Variants in SIGLEC1 observed in about 807,000 individuals in gnomAD.
The protein encoded by SIGLEC1 is sialoadhesin.
A neutral mutation model predicts 148.0 loss-of-function variants in SIGLEC1; 132 were observed. The observed-to-expected ratio is 0.89, with a 90% CI of 0.77 to 1.03. SIGLEC1 has a LOEUF of 1.03. Ranked by LOEUF, SIGLEC1 falls within the 50% of genes least tolerant of loss-of-function variation. The pLI is 0.00. For synonymous variants in SIGLEC1, 945 were observed against 969.0 expected (o/e 0.98, Z 0.46); for missense variants, 2,253 against 2,271.4 (o/e 0.99, Z 0.16).
chr20:3,696,402 GTTA>G (rs1341931622), intron 11 of SIGLEC1, among the ~76,000 whole-genome samples, 181 bp downstream of exon 11: 1 of 152,014 alleles, frequency 6.6e-6, no homozygotes, highest in Non-Finnish European at 1.5e-5. Context: ...GGCTGCTGCA[GTTA>G]TTACAGGTGA....
Position 3,692,937 on chromosome 20 carries a change from C to A in SIGLEC1, c.3703G>T (p.Asp1235Tyr), listed in dbSNP as rs1207970591. 6 of 1,612,636 alleles carry A rather than the reference C, an allele frequency of 3.7e-6. No homozygotes were observed. The Admixed American group carries it at 6.7e-5, about 18-fold the overall frequency. The part of the protein sequence containing the change: ...RLELRGPQPR[D>Y]EGFYSCSARS... The stretch of plus-strand genomic sequence containing the variant: ...GCAGAGCAGCTGTAGAAACCCTCAT[C>A]CCTGGGCTGTGGCCCTCGCAGCTCC... Residue 1235 changes from aspartate to tyrosine, a missense_variant, in exon 15 of 22, where the codon GAT becomes TAT. Transcript: ENST00000344754.
At position 3,697,969 on chromosome 20, in the gene SIGLEC1, C is replaced by G; in HGVS notation, c.1951G>C (p.Gly651Arg). 6.2e-7 allele frequency: 1 copy of G among 1,611,900 alleles called. No individual in the cohort carries two copies. The highest frequency in any genetic ancestry group is 8.5e-7 in the Non-Finnish European group (1 of 1,179,294). ...RVVATSLPSGGGCSTCGGCSP... is the reference protein window; with the variant it reads ...RVVATSLPSGRGCSTCGGCSP... ...CAGCCCCCACAGGTGCTGCAGCCAC[C>G]CCCTGATGGCAGGGAAGTGGCCACA... Residue 651 changes from glycine (G) to arginine (R), a missense_variant, in exon 9 of 22, where the codon GGT (glycine) becomes CGT (arginine). Physicochemically the swap from Gly to Arg is moderately radical, Grantham distance 125 (BLOSUM62 -2). Coordinates refer to ENST00000344754, the MANE Select transcript of SIGLEC1 (RefSeq NM_023068.4).
rs1018492 is a variant in SIGLEC1, at chr20:3,701,628, A to G, written c.1242T>C (p.Thr414=). The change falls in exon 7 of 22, where the codon ACT becomes ACC. Residue 414 remains threonine, a synonymous_variant. Transcript: ENST00000344754. ...VSVVVNHPPL[T]PVLTAFLETQ... is the part of the protein sequence containing the mutation. ...TCTCCAGGAAGGCTGTCAGGACTGGAGTGAGAGGCGGGTCTGTGTGGAGAC... is the reference window on the plus strand; with the variant it reads ...TCTCCAGGAAGGCTGTCAGGACTGGGGTGAGAGGCGGGTCTGTGTGGAGAC... 975,884 of 1,570,682 alleles carry G rather than the reference A, an allele frequency of 0.62. 306,051 individuals are homozygous for G. Among genetic ancestry groups the G allele is most frequent in the African/African-American group, 0.76 (56,374 of 74,344 alleles).
Position 3,689,403 on chromosome 20 carries a change from G to A in SIGLEC1, c.4998-176C>T, listed in dbSNP as rs562069985. 96 of 681,870 alleles carry A rather than the reference G, an allele frequency of 1.4e-4. 3 individuals carry two copies. The South Asian group carries it at 1.6e-3, about 11-fold the overall frequency. The allele number at this position is 681,870 out of a possible 1,614,324, so 42.2% of individuals were successfully genotyped here. ...TGCTTTAGCACAGCCAGGGCAGAGA[G>A]GAGGAAAGAAGGAAACTACAGCAAG... On this transcript the variant is annotated intron_variant, in intron 20 of 21. Transcript: ENST00000344754.
At position 3,687,281 on chromosome 20, in the gene SIGLEC1, C is replaced by T. The variant is rs2088708872; in HGVS notation, c.*1279G>A. On this transcript the variant is annotated 3_prime_UTR_variant, in exon 22 of 22. Transcript: ENST00000344754. ...CCTGTTGGTCCCTGATTCGCAGGGGCACGTCATTCCTTCTTGGTAACTCAT... is the reference window on the plus strand; with the variant it reads ...CCTGTTGGTCCCTGATTCGCAGGGGTACGTCATTCCTTCTTGGTAACTCAT... 1 of 152,276 alleles carries T rather than the reference C, an allele frequency of 6.6e-6. No homozygotes were observed. The highest frequency in any genetic ancestry group is 6.5e-5 in the Admixed American group (1 of 15,282). 9.4% of individuals were successfully genotyped at this position (152,276 alleles called of 1,614,324 possible).
chr20:3,695,768 C>T (rs905560763), intron 11 of SIGLEC1, among the ~76,000 whole-genome samples: 2 of 152,006 alleles, frequency 1.3e-5, no homozygotes, highest in East Asian at 1.9e-4. Flanking sequence ...CTTTGACCTT[C>T]GCATTATGGG....
intron 12 of SIGLEC1, 35 bp downstream of exon 12, chr20:3,694,628 C>T: frequency 1.9e-6 from 3 of 1,588,904 alleles, no homozygotes; most frequent in Non-Finnish European, 2.6e-6. Flanking sequence ...GACTGCATTC[C>T]TTCCCCCACA....
Position 3,694,311 on chromosome 20 carries a change from C to G in SIGLEC1, c.3166G>C (p.Gly1056Arg). 6.2e-7 allele frequency: 1 copy of G among 1,613,116 alleles called. No homozygotes were observed. Among genetic ancestry groups the G allele is most frequent in the South Asian group, 1.1e-5 (1 of 91,076 alleles). Residue 1056 changes from glycine (G) to arginine (R), a missense_variant, in exon 13 of 22, where the codon GGG becomes CGG. Coordinates refer to ENST00000344754, the MANE Select transcript of SIGLEC1 (RefSeq NM_023068.4). ...ACACCCTCATCCTCCAGCATAGCCC[C>G]GTGGATCTCCAGACGCAGTGTGTTG... is the stretch of plus-strand genomic sequence containing the variant. ...APNTLRLEIH[G>R]AMLEDEGVYI...
Position 3,694,663 on chromosome 20 carries a change from A to G in SIGLEC1, c.2944T>C (p.Tyr982His). The change falls in exon 12 of 22, where the codon TAT becomes CAT. Residue 982 changes from tyrosine to histidine, a missense_variant and splice_region_variant. Physicochemically the swap from Tyr to His is moderately conservative, Grantham distance 83. Coordinates refer to ENST00000344754, the MANE Select transcript of SIGLEC1 (RefSeq NM_023068.4). ...LAAPISLHVS[Y>H]APRHVTLTTL... ...ACCTGGATGGGACAAAAGTCCTTACAGGACACGTGGAGGCTGATGGGTGCA... is the reference window on the plus strand; with the variant it reads ...ACCTGGATGGGACAAAAGTCCTTACGGGACACGTGGAGGCTGATGGGTGCA... 6.2e-7 allele frequency: 1 copy of G among 1,610,544 alleles called. No homozygotes were observed.
intron 13 of SIGLEC1, among the ~76,000 whole-genome samples, chr20:3,693,983 C>G (rs1219707498): frequency 6.6e-6 from 1 of 152,214 alleles, no homozygotes. Flanking sequence ...CCCTCCCCTG[C>G]TGCACTTTCT....
In SIGLEC1 at chr20:3,706,686, A is replaced by T. The variant is rs1173225161; in HGVS notation, c.70T>A (p.Ser24Thr). The T allele has an allele frequency of 6.5e-7, 1 of 1,549,542 alleles. No homozygotes were observed. Among genetic ancestry groups the T allele is most frequent in the South Asian group, 1.2e-5 (1 of 84,536 alleles). Residue 24 changes from serine (S) to threonine (T), a missense_variant, in exon 3 of 22, where the codon TCC becomes ACC. Transcript: ENST00000344754. ...FPAGQASWGV[S>T]SPQDVQGVKG... Reference sequence around the variant, plus strand: ...ACACCCTGCACGTCCTGGGGACTGGAGACGCCCCATGAGGCCTGGCCTGGG... The same window carrying T: ...ACACCCTGCACGTCCTGGGGACTGGTGACGCCCCATGAGGCCTGGCCTGGG...
intron 11 of SIGLEC1, among the ~76,000 whole-genome samples, chr20:3,695,713 A>G (rs1014850229): frequency 6.6e-6 from 1 of 152,178 alleles, no homozygotes; most frequent in Non-Finnish European, 1.5e-5. Flanking sequence ...AAATGTCCCA[A>G]AATTGGTGCT....
chr20:3,703,405 C>A lies in SIGLEC1; in HGVS notation c.1020G>T (p.Gln340His). The stretch of plus-strand genomic sequence containing the variant: ...GTGTGTTGCAGACTAGTGTCACTGT[C>A]TGGTTCTCCAGGATGGGACCTGCTG... Reference protein sequence around the residue: ...VSPAGPILENQTVTLVCNTPN... With the variant: ...VSPAGPILENHTVTLVCNTPN... Residue 340 changes from glutamine to histidine, a missense_variant, in exon 6 of 22, where the codon CAG becomes CAT. Transcript: ENST00000344754. 1 of 1,600,486 alleles carries A rather than the reference C, an allele frequency of 6.2e-7. No individual in the cohort carries two copies. Among genetic ancestry groups the A allele is most frequent in the South Asian group, 1.1e-5 (1 of 88,244 alleles).
In SIGLEC1 at chr20:3,693,521, G is replaced by A; in HGVS notation, c.3434C>T (p.Thr1145Ile). The A allele has an allele frequency of 6.2e-7, 1 of 1,611,690 alleles. No individual in the cohort carries two copies. Among genetic ancestry groups the A allele is most frequent in the Non-Finnish European group, 8.5e-7 (1 of 1,179,054 alleles). ...GGGGCCCACACCGCAGCGGTAGGAG[G>A]TGGCATCCCTGACTGTGACGTTGGG... ...PLPNVTVRDA[T>I]SYRCGVGPPG... The change falls in exon 14 of 22, where the codon ACC becomes ATC. Residue 1145 changes from threonine (T) to isoleucine (I), a missense_variant. By Grantham distance (89) the Thr-to-Ile change is moderately conservative. Coordinates refer to ENST00000344754, the MANE Select transcript of SIGLEC1 (RefSeq NM_023068.4).
intron 1 of SIGLEC1, among the ~76,000 whole-genome samples, chr20:3,712,180 A>G (rs1294921235): frequency 1.4e-5 from 2 of 145,754 alleles, no homozygotes; most frequent in Non-Finnish European, 3.0e-5. Flanking sequence ...TGAGGGTGAG[A>G]TAAGGTTGGA....
Position 3,691,326 on chromosome 20 carries a change from G to T in SIGLEC1, c.4591+14C>A, listed in dbSNP as rs771093269. ...TGTGGGGAGACTAAGGCGGAGGAGG[G>T]GGTTCACACTCACAGAGCACACGGA... On this transcript the variant is annotated intron_variant, in intron 18 of 21. Coordinates refer to ENST00000344754, the MANE Select transcript of SIGLEC1 (RefSeq NM_023068.4). 9 of 1,612,418 alleles carry T rather than the reference G, an allele frequency of 5.6e-6. No individual in the cohort carries two copies. The highest frequency in any genetic ancestry group is 6.8e-6 in the Non-Finnish European group (8 of 1,179,256).
At chr20:3,703,476 TG>T (rs1444105666) in intron 5 of SIGLEC1, 25 bp from the exon 6 acceptor site, 8 of 1,544,172 alleles carry the variant, frequency 5.2e-6, no homozygotes, top group East Asian at 2.3e-5. Flanking sequence ...TAGGGAGTGC[TG>T]GGGGGTCCCA....
chr20:3,691,858 C>A, intron 17 of SIGLEC1, 45 bp downstream of exon 17: 2 of 1,536,376 alleles, frequency 1.3e-6, no homozygotes, highest in Non-Finnish European at 8.8e-7. Context: ...TGGACTTGGA[C>A]CTGAGAGCAT....
rs753565333 is a variant in SIGLEC1 at position 3,706,615 on chromosome 20, G to A, written c.141C>T (p.Ala47=). The A allele has an allele frequency of 2.5e-5, 40 of 1,603,158 alleles. No homozygotes were observed. Among genetic ancestry groups the A allele is most frequent in the South Asian group, 7.8e-5 (7 of 89,824 alleles). Residue 47 remains alanine (A), a synonymous_variant, in exon 3 of 22, where the codon GCC becomes GCT. Coordinates refer to ENST00000344754, the MANE Select transcript of SIGLEC1 (RefSeq NM_023068.4). ...TGATGCCGTCGGGCACCTCCACGTCGGCAGGGAAGCTGAAGATGCAGGGGA... is the reference window on the plus strand; with the variant it reads ...TGATGCCGTCGGGCACCTCCACGTCAGCAGGGAAGCTGAAGATGCAGGGGA... The part of the protein sequence containing the change: ...LLIPCIFSFP[A]DVEVPDGITA...
Sources: gnomAD v4.1 joint callset for allele counts (sites outside exome capture counted in the v4.1 genomes callset) on GRCh38, gnomAD v4.1.1 for gene constraint, MANE v1.5 for transcripts, NCBI Gene and HGNC (gene_info 2026-07-23, HGNC 2026-07-21) for gene names.